Variants in CLSTN2 observed in about 807,000 individuals in gnomAD.
CLSTN2 encodes calsyntenin 2.
A neutral mutation model predicts 101.2 loss-of-function variants in CLSTN2; 48 were observed. The observed-to-expected ratio is 0.47, with a 90% CI of 0.38 to 0.60. The LOEUF is 0.60. CLSTN2 is among the 20% of genes least tolerant of loss of function. The pLI, the probability that CLSTN2 is intolerant of heterozygous loss-of-function variation, is 0.00. For missense variants in CLSTN2, 1,160 were observed against 1,238.2 expected, an observed-to-expected ratio of 0.94 and a Z score of 0.95; for synonymous variants, 481 against 463.6, an observed-to-expected ratio of 1.04 and a Z score of -0.48.
chr3:140,091,959 A>G (rs2008786143), intron 1 of CLSTN2, among the ~76,000 whole-genome samples: 1 of 152,138 alleles, frequency 6.6e-6, no homozygotes, highest in Admixed American at 6.5e-5. Flanking sequence ...ATGTTTGTTG[A>G]ATAAGTAAGG....
rs146067137 is a variant in CLSTN2, at chr3:140,242,314, A to G, written c.232+66241A>G. On this transcript the variant is annotated intron_variant, in intron 2 of 16. Transcript: ENST00000458420. ...ACAGAAACCATGTCACCATTGTTAA[A>G]TACATCCCCAATACTTCCCATGAAA... Among the ~76,000 whole-genome samples the G allele has an allele frequency of 3.3e-5, 5 of 152,330 alleles. No individual in the cohort carries two copies. The East Asian group carries it at 9.7e-4, about 29-fold the overall frequency.
intron 12 of CLSTN2, 69 bp downstream of exon 12, chr3:140,558,926 C>T: frequency 8.2e-7 from 1 of 1,216,980 alleles, no homozygotes; most frequent in Non-Finnish European, 1.2e-6. Flanking sequence ...AAACATACTT[C>T]AGAACAACAG....
chr3:140,029,886 T>C (rs2007510036), intron 1 of CLSTN2, among the ~76,000 whole-genome samples: 1 of 152,136 alleles, frequency 6.6e-6, no homozygotes, highest in Admixed American at 6.5e-5. Context: ...AAGACCCAAA[T>C]TGGAGGCAAC....
intron 1 of CLSTN2, among the ~76,000 whole-genome samples, chr3:140,018,499 G>T (rs1003333313): frequency 1.3e-5 from 2 of 152,186 alleles, no homozygotes; most frequent in Admixed American, 1.3e-4. Context: ...CATAGGGCAG[G>T]GTGTACAGTC....
At chr3:140,245,874 T>C (rs1163753700) in intron 2 of CLSTN2, among the ~76,000 whole-genome samples, 5 of 152,222 alleles carry the variant, frequency 3.3e-5, no homozygotes, top group African/African-American at 7.2e-5. Flanking sequence ...TGAGGAAGAA[T>C]GCCTTAGAGT....
At chr3:140,223,768 T>C (rs2107854505) in intron 2 of CLSTN2, among the ~76,000 whole-genome samples, 1 of 152,350 alleles carries the variant, frequency 6.6e-6, no homozygotes, top group African/African-American at 2.4e-5. Context: ...TTCATACTCC[T>C]GGTCCCCACC....
chr3:140,372,888 G>C (rs1485205613), intron 2 of CLSTN2, among the ~76,000 whole-genome samples: 1 of 152,126 alleles, frequency 6.6e-6, no homozygotes, highest in Non-Finnish European at 1.5e-5. Flanking sequence ...ATGACATAGA[G>C]AAACCCCTTC....
rs1322037733 is a variant in CLSTN2, at chr3:140,574,250, C to T, written c.*7997C>T. 3 of 152,116 alleles carry T rather than the reference C, an allele frequency of 2.0e-5. No homozygotes were observed. The highest frequency in any genetic ancestry group is 4.4e-5 in the Non-Finnish European group (3 of 68,040). 9.4% of individuals were successfully genotyped at this position (152,116 alleles called of 1,614,324 possible). A position where few individuals can be genotyped will look rare whatever the true frequency, so the allele number is the denominator to read the frequency against. ...AAGGTCCTTTGTAAAATCAGATCGA[C>T]GAGGGTGGAAGTGCAGTGAACAGAG... On this transcript the variant is annotated 3_prime_UTR_variant, in exon 17 of 17. Coordinates refer to ENST00000458420, the MANE Select transcript of CLSTN2 (RefSeq NM_022131.3).
chr3:139,991,016 A>C (rs1458145626), intron 1 of CLSTN2, among the ~76,000 whole-genome samples: 4 of 152,256 alleles, frequency 2.6e-5, no homozygotes, highest in African/African-American at 9.6e-5. Context: ...TTAAAGAAAT[A>C]TTTAAAGTAA....
chr3:140,488,418 A>T (rs1934280498), intron 8 of CLSTN2, among the ~76,000 whole-genome samples: 1 of 152,076 alleles, frequency 6.6e-6, no homozygotes, highest in Non-Finnish European at 1.5e-5. Flanking sequence ...TAAAATGAGG[A>T]TAAATATGAA....
chr3:140,096,830 A>G (rs1423726496), intron 1 of CLSTN2, among the ~76,000 whole-genome samples: 2 of 152,230 alleles, frequency 1.3e-5, no homozygotes, highest in Admixed American at 1.3e-4. Context: ...GATAAAAAGA[A>G]GGAGTTCATA....
intron 2 of CLSTN2, among the ~76,000 whole-genome samples, chr3:140,316,626 TTG>T (rs2087234276): frequency 6.6e-6 from 1 of 152,192 alleles, no homozygotes; most frequent in Admixed American, 6.5e-5. Flanking sequence ...AGGCCAGGGA[TTG>T]TGTCTCAGAT....
At chr3:140,366,445 T>C (rs921253190) in intron 2 of CLSTN2, among the ~76,000 whole-genome samples, 5 of 152,224 alleles carry the variant, frequency 3.3e-5, no homozygotes, top group African/African-American at 1.2e-4. Flanking sequence ...AAGAAAAATA[T>C]GTCAGTCTAA....
chr3:140,311,253 T>TTAA (rs1246998285), intron 2 of CLSTN2, among the ~76,000 whole-genome samples: 2 of 149,082 alleles, frequency 1.3e-5, no homozygotes. Context: ...AGTGTGTGAA[T>TTAA]TAATAATAAT....
intron 1 of CLSTN2, among the ~76,000 whole-genome samples, chr3:140,078,000 T>A (rs1378288801): frequency 6.6e-6 from 1 of 152,154 alleles, no homozygotes; most frequent in Non-Finnish European, 1.5e-5. Context: ...AAATTTCCCC[T>A]GCAAAGGGTC....
At chr3:140,056,964 C>G (rs972475612) in intron 1 of CLSTN2, among the ~76,000 whole-genome samples, 1 of 152,098 alleles carries the variant, frequency 6.6e-6, no homozygotes, top group Non-Finnish European at 1.5e-5. Context: ...TGTGAATCTC[C>G]CTTGCTAGAG....
intron 1 of CLSTN2, among the ~76,000 whole-genome samples, chr3:140,142,992 C>T (rs919387287): frequency 3.3e-5 from 5 of 152,286 alleles, no homozygotes; most frequent in African/African-American, 9.6e-5. Flanking sequence ...ACATTATGTC[C>T]ACTGAGTTCT....
At chr3:140,193,381 T>A (rs1343617352) in intron 2 of CLSTN2, among the ~76,000 whole-genome samples, 2 of 151,710 alleles carry the variant, frequency 1.3e-5, no homozygotes, top group Admixed American at 6.6e-5. Context: ...CTTGATTTTC[T>A]TTTCATTTTT....
chr3:140,278,023 C>A (rs1339005507), intron 2 of CLSTN2, among the ~76,000 whole-genome samples: 1 of 152,194 alleles, frequency 6.6e-6, no homozygotes, highest in African/African-American at 2.4e-5. Flanking sequence ...GGCTGTCAGT[C>A]AGAGGCTCAC....
Sources: allele counts gnomAD v4.1 joint callset (sites outside exome capture counted in the v4.1 genomes callset), GRCh38; gene constraint gnomAD v4.1.1; transcripts MANE v1.5; gene names NCBI Gene and HGNC (gene_info 2026-07-23, HGNC 2026-07-21).